TTC28: variants seen among roughly 807,000 people sequenced by gnomAD.
TTC28 encodes the protein tetratricopeptide repeat domain 28.
In TTC28, 61 loss-of-function variants were observed where a neutral mutation model predicts 198.0. The ratio of observed to expected loss-of-function variants is 0.31; its 90% confidence interval spans 0.25 to 0.38. The LOEUF is 0.38. TTC28 is among the 10% of genes least tolerant of loss of function. The pLI is 1.00. For synonymous variants in TTC28, 1,171 were observed against 1,297.8 expected, an observed-to-expected ratio of 0.90 and a Z score of 2.10; for missense variants, 2,678 against 3,164.0, an observed-to-expected ratio of 0.85 and a Z score of 3.69.
In TTC28 at chr22:27,988,374, G is replaced by A. The variant is rs556015922; in HGVS notation, c.5707+1504C>T. On this transcript the variant is annotated intron_variant, in intron 21 of 22. Transcript: ENST00000397906. The stretch of plus-strand genomic sequence containing the variant: ...GCGATCTCGGCTCACAGCAACCTCC[G>A]CCTCCTGGGTTCAAATGATTCTCCT... Among the ~76,000 whole-genome samples the A allele has an allele frequency of 6.3e-5, 9 of 142,958 alleles. No individual in the cohort carries two copies. In the South Asian group the frequency reaches 6.9e-4, roughly 11 times the overall value. The allele number at this position is 142,958 out of a possible 152,430, so 93.8% of individuals were successfully genotyped here.
chr22:28,402,549 C>CT (rs1438205115), intron 2 of TTC28, among the ~76,000 whole-genome samples: 1 of 152,038 alleles, frequency 6.6e-6, no homozygotes, highest in Admixed American at 6.6e-5. Flanking sequence ...TTAGGCCCTA[C>CT]TTTTTTTTAG....
chr22:28,615,462 G>T (rs2146166671), intron 2 of TTC28, among the ~76,000 whole-genome samples: 1 of 152,252 alleles, frequency 6.6e-6, no homozygotes, highest in Middle Eastern at 3.4e-3. Flanking sequence ...TATACCCAAA[G>T]GATTATAAAT....
At chr22:28,625,094 A>G (rs1356601086) in intron 2 of TTC28, among the ~76,000 whole-genome samples, 2 of 152,210 alleles carry the variant, frequency 1.3e-5, no homozygotes, top group East Asian at 3.8e-4. Flanking sequence ...TAAGGACATC[A>G]TGCTCAACAA....
chr22:28,672,683 C>T (rs967523637), intron 1 of TTC28, among the ~76,000 whole-genome samples: 7 of 152,130 alleles, frequency 4.6e-5, no homozygotes, highest in Non-Finnish European at 1.0e-4. Flanking sequence ...CACTCTTTGA[C>T]TAAATACCAG....
intron 1 of TTC28, among the ~76,000 whole-genome samples, chr22:28,669,429 G>C (rs1050350793): frequency 1.3e-5 from 2 of 151,882 alleles, no homozygotes; most frequent in Admixed American, 6.6e-5. Flanking sequence ...CCAGAAGTGT[G>C]ACCAGTTAGG....
intron 1 of TTC28, among the ~76,000 whole-genome samples, chr22:28,674,443 C>T (rs2051944763): frequency 6.6e-6 from 1 of 151,904 alleles, no homozygotes; most frequent in Non-Finnish European, 1.5e-5. Flanking sequence ...TAAATATATA[C>T]CTACATCCTC....
chr22:28,277,328 C>A (rs937926427), intron 5 of TTC28, among the ~76,000 whole-genome samples: 2 of 152,132 alleles, frequency 1.3e-5, no homozygotes, highest in African/African-American at 4.8e-5. Flanking sequence ...TACCTTTATT[C>A]AGGGAGAATA....
chr22:28,476,985 A>G (rs925659204), intron 2 of TTC28, among the ~76,000 whole-genome samples: 2 of 152,236 alleles, frequency 1.3e-5, no homozygotes, highest in Admixed American at 6.5e-5. Flanking sequence ...TTGTACAGAC[A>G]TTACGTTGAA....
intron 6 of TTC28, among the ~76,000 whole-genome samples, chr22:28,126,592 T>A (rs1287936458): frequency 6.6e-6 from 1 of 152,218 alleles, no homozygotes; most frequent in Non-Finnish European, 1.5e-5. Context: ...ATTCTTCTAG[T>A]GGGAAAGGCA....
At chr22:28,585,823 T>G (rs1458724787) in intron 2 of TTC28, among the ~76,000 whole-genome samples, 3 of 151,922 alleles carry the variant, frequency 2.0e-5, no homozygotes, top group Non-Finnish European at 2.9e-5. Context: ...CAATAAAGAA[T>G]CTGTAGAAAG....
chr22:28,162,023 C>A (rs1921272930), intron 6 of TTC28, among the ~76,000 whole-genome samples: 1 of 152,122 alleles, frequency 6.6e-6, no homozygotes, highest in Non-Finnish European at 1.5e-5. Context: ...CGTCCTGAAT[C>A]CCTATAGGCA....
intron 12 of TTC28, among the ~76,000 whole-genome samples, chr22:28,063,214 C>T (rs965812971): frequency 1.3e-5 from 2 of 152,184 alleles, no homozygotes; most frequent in African/African-American, 4.8e-5. Context: ...AGAGTTTATA[C>T]ACAAAATTTG....
At chr22:28,677,935 C>A (rs1344350250) in intron 1 of TTC28, among the ~76,000 whole-genome samples, 1 of 149,186 alleles carries the variant, frequency 6.7e-6, no homozygotes, top group Non-Finnish European at 1.5e-5. Context: ...GAGGCTCCGT[C>A]TCAAAAAAAA....
intron 2 of TTC28, among the ~76,000 whole-genome samples, chr22:28,398,323 G>A (rs184736236): frequency 8.5e-5 from 13 of 152,182 alleles, no homozygotes; most frequent in African/African-American, 2.6e-4. Flanking sequence ...TACAGTAGCC[G>A]CATTTCTGTG....
At chr22:28,310,153 C>T (rs993333862) in intron 2 of TTC28, among the ~76,000 whole-genome samples, 5 of 130,076 alleles carry the variant, frequency 3.8e-5, no homozygotes, top group Admixed American at 1.6e-4. Context: ...CACACACACA[C>T]ACACACACAC....
chr22:28,049,018 C>T (rs1049086807), intron 12 of TTC28, among the ~76,000 whole-genome samples: 1 of 152,196 alleles, frequency 6.6e-6, no homozygotes. Flanking sequence ...TCCTTAAGAT[C>T]CAGACCATAA....
intron 5 of TTC28, among the ~76,000 whole-genome samples, chr22:28,273,684 T>C (rs1201238178): frequency 6.6e-6 from 1 of 152,104 alleles, no homozygotes; most frequent in Admixed American, 6.5e-5. Context: ...GAAGCAGTAT[T>C]TGAAGAGATA....
At chr22:28,035,404 T>C (rs1457474963) in intron 12 of TTC28, among the ~76,000 whole-genome samples, 1 of 152,212 alleles carries the variant, frequency 6.6e-6, no homozygotes, top group African/African-American at 2.4e-5. Context: ...CTTTTTGCAG[T>C]TGGTAAAACT....
intron 2 of TTC28, among the ~76,000 whole-genome samples, chr22:28,628,776 T>TA (rs775690906): frequency 6.6e-6 from 1 of 151,652 alleles, no homozygotes. Context: ...CCTCTTTCTA[T>TA]AAAAAATACA....
Sources: gnomAD v4.1 joint callset for allele counts (sites outside exome capture counted in the v4.1 genomes callset) on GRCh38, gnomAD v4.1.1 for gene constraint, MANE v1.5 for transcripts, NCBI Gene and HGNC (gene_info 2026-07-23, HGNC 2026-07-21) for gene names.